Variants in ARHGEF10L observed in about 807,000 individuals in gnomAD.
ARHGEF10L encodes rho guanine nucleotide exchange factor 10-like protein.
ARHGEF10L carries 69 observed loss-of-function variants against 141.2 expected under a neutral mutation model. That is an observed-to-expected ratio of 0.49 (90% CI 0.40 to 0.60). The LOEUF is 0.60. Ranked by LOEUF, ARHGEF10L falls within the 20% of genes least tolerant of loss-of-function variation. ARHGEF10L has a pLI of 0.00. For missense variants in ARHGEF10L, 1,482 were observed against 1,734.3 expected (o/e 0.85, Z 2.58); for synonymous variants, 711 against 718.5 (o/e 0.99, Z 0.17).
At chr1:17,525,156 G>T in the ARHGEF10L span, among the ~76,000 whole-genome samples, 1 of 152,192 alleles carries the variant, frequency 6.6e-6, no homozygotes, top group African/African-American at 2.4e-5. Context: ...AGCTACTGTA[G>T]AGACATCCAA....
At position 17,580,549 on chromosome 1, in the gene ARHGEF10L, A is replaced by G. The variant is rs774340426; in HGVS notation, c.-43-4A>G. The G allele has an allele frequency of 3.7e-6, 6 of 1,613,584 alleles. No homozygotes were observed. The South Asian group carries it at 6.6e-5, about 18-fold the overall frequency. Reference sequence around the variant, plus strand: ...TAATGCGATTTCTGGTCTTCTTTCCACAGGTGTGTAGCTGGGACGGTGCTG... The same window carrying G: ...TAATGCGATTTCTGGTCTTCTTTCCGCAGGTGTGTAGCTGGGACGGTGCTG... On this transcript the variant is annotated splice_polypyrimidine_tract_variant and splice_region_variant and intron_variant, in intron 1 of 28. Transcript: ENST00000361221.
rs564015660 is a variant in ARHGEF10L, at chr1:17,632,242, T to A, written c.1585-79T>A. On this transcript the variant is annotated intron_variant, in intron 15 of 28. Transcript: ENST00000361221. ...AGCCTCAGTCTCCCTTTCTGCACCA[T>A]GGGAGGATTCTGGGTCTCCGGCGCG... 289 of 1,563,440 alleles carry A rather than the reference T, an allele frequency of 1.8e-4. No individual in the cohort carries two copies. The highest frequency in any genetic ancestry group is 2.4e-4 in the Non-Finnish European group (273 of 1,147,598).
chr1:17,638,019 T>TA lies in ARHGEF10L; in HGVS notation c.2043+16_2043+17insA. 1.3e-6 allele frequency: 2 copies of TA among 1,561,142 alleles called. No homozygotes were observed. Among genetic ancestry groups the TA allele is most frequent in the Non-Finnish European group, 1.7e-6 (2 of 1,151,630 alleles). ...CACCTACCAGGTACGTGGCCTGGCC[T>TA]GACCTTTTTGGCCTGAGCTCCCCAG... On this transcript the variant is annotated intron_variant, in intron 19 of 28. Transcript: ENST00000361221.
At chr1:17,564,361 C>T (rs6688798) in intron 1 of ARHGEF10L, among the ~76,000 whole-genome samples, 52 of 152,266 alleles carry the variant, frequency 3.4e-4, no homozygotes, top group African/African-American at 1.2e-3. Context: ...GGGGCAGTGC[C>T]GCTGCAACAC....
intron 26 of ARHGEF10L, among the ~76,000 whole-genome samples, chr1:17,666,797 C>A (rs1359543908): frequency 3.6e-5 from 4 of 110,888 alleles, no homozygotes; most frequent in Non-Finnish European, 7.6e-5. Flanking sequence ...CTACCCCAAG[C>A]CCACCCCACC....
At chr1:17,695,053 T>C (rs2065391248) in intron 27 of ARHGEF10L, 105 bp from the exon 28 acceptor site, 3 of 1,550,818 alleles carry the variant, frequency 1.9e-6, no homozygotes, top group Admixed American at 3.3e-5. Flanking sequence ...TCTTGCTGGT[T>C]TCAGGGGAGG....
intron 27 of ARHGEF10L, among the ~76,000 whole-genome samples, chr1:17,692,971 C>A (rs1255738656): frequency 6.6e-6 from 1 of 152,184 alleles, no homozygotes; most frequent in East Asian, 1.9e-4. Flanking sequence ...CAGCCTCACG[C>A]CTGCCTCCCT....
the ARHGEF10L span, among the ~76,000 whole-genome samples, chr1:17,523,084 A>ATTT: frequency 6.9e-5 from 8 of 115,470 alleles, no homozygotes; most frequent in Non-Finnish European, 6.9e-5. Flanking sequence ...TTTGTTTTCC[A>ATTT]TTTTTTTTTT....
rs1489383546 is a variant in ARHGEF10L, at chr1:17,695,222, C to T, written c.3249C>T (p.Asp1083=). ...ICQGLLWVGT[D]QGVIVLLPVP... ...AGGGTCTGCTCTGGGTGGGCACTGA[C>T]CAGGGTGTCATCGTCCTGCTGCCCG... The change falls in exon 28 of 29, where the codon GAC becomes GAT. Residue 1083 remains aspartate (D), a synonymous_variant. Coordinates refer to ENST00000361221, the MANE Select transcript of ARHGEF10L (RefSeq NM_018125.4). The T allele has an allele frequency of 6.2e-7, 1 of 1,611,308 alleles. No homozygotes were observed. Among genetic ancestry groups the T allele is most frequent in the African/African-American group, 1.3e-5 (1 of 74,886 alleles).
rs1255810570 is a variant in ARHGEF10L, at chr1:17,634,857, C to T, written c.1768C>T (p.Leu590=). 1 of 1,613,624 alleles carries T rather than the reference C, an allele frequency of 6.2e-7. No homozygotes were observed. Among genetic ancestry groups the T allele is most frequent in the African/African-American group, 1.3e-5 (1 of 74,916 alleles). ...NHRGQLEISS[L]VPLGPKYVVK... ...CAGGGGCCAGCTGGAGATCAGCAGC[C>T]TGGTGCCCCTGGGGCCCAAGTATGT... The change falls in exon 18 of 29, where the codon CTG becomes TTG. Residue 590 remains leucine, a synonymous_variant. Transcript: ENST00000361221.
chr1:17,695,326 C>A, intron 28 of ARHGEF10L, 46 bp downstream of exon 28: 1 of 1,537,118 alleles, frequency 6.5e-7, no homozygotes, highest in Non-Finnish European at 8.7e-7. Flanking sequence ...GGGTCAGCTG[C>A]AGGTGGCCAG....
Position 17,621,123 on chromosome 1 carries a change from G to A in ARHGEF10L, c.943-741G>A, listed in dbSNP as rs2060085523. ...TTAGCCAGAAGCAGAGACCACTCGT[G>A]TGGGGGGACGGTACCCCAAGGCCTG... is the stretch of plus-strand genomic sequence containing the variant. On this transcript the variant is annotated intron_variant, in intron 10 of 28. Transcript: ENST00000361221. This position sits in a 1 kb window ranked among gnomAD's most constrained non-coding sequence, Gnocchi z 4.1. Among the ~76,000 whole-genome samples, 1 of 152,222 alleles carries A rather than the reference G, an allele frequency of 6.6e-6. No homozygotes were observed. Among genetic ancestry groups the A allele is most frequent in the Admixed American group, 6.5e-5 (1 of 15,282 alleles).
At position 17,619,205 on chromosome 1, in the gene ARHGEF10L, AC is replaced by A; in HGVS notation, c.836-133del. 1.3e-6 allele frequency: 1 copy of A among 793,260 alleles called. No homozygotes were observed. Among genetic ancestry groups the A allele is most frequent in the East Asian group, 2.8e-5 (1 of 35,856 alleles). 49.1% of individuals were successfully genotyped at this position (793,260 alleles called of 1,614,324 possible). The stretch of plus-strand genomic sequence containing the variant: ...GGAGCTACCGGGCGGCTCTAACCCC[AC>A]GGGGCCCCAGGAGCTGCTTGCACCC... On this transcript the variant is annotated intron_variant, in intron 9 of 28. Coordinates refer to ENST00000361221, the MANE Select transcript of ARHGEF10L (RefSeq NM_018125.4). The surrounding 1 kb of genome is among the most constrained non-coding windows in gnomAD (Gnocchi z 5.0).
the ARHGEF10L span, among the ~76,000 whole-genome samples, chr1:17,529,203 A>G: frequency 6.6e-6 from 1 of 152,116 alleles, no homozygotes; most frequent in Non-Finnish European, 1.5e-5. Context: ...GGGTTTCACC[A>G]TGTTGGCCAG....
At chr1:17,539,487 T>A (rs2076637055), upstream of ARHGEF10L, among the ~76,000 whole-genome samples, 1 of 151,650 alleles carries the variant, frequency 6.6e-6, no homozygotes, top group African/African-American at 2.4e-5. This position sits in a 1 kb window ranked among gnomAD's most constrained non-coding sequence, Gnocchi z 6.0. Flanking sequence ...CCGGGCCCCA[T>A]CCCCGCGGGC....
chr1:17,687,753 G>T lies in ARHGEF10L; in HGVS notation c.3184+6G>T. 2.6e-6 allele frequency: 4 copies of T among 1,568,382 alleles called. No individual in the cohort carries two copies. The highest frequency in any genetic ancestry group is 3.5e-6 in the Non-Finnish European group (4 of 1,155,340). ...GACCACCTTCCTCCTGCCAGGTGAGGCTGCCTCGGGCACGGGGGAGCGGAC... is the reference window on the plus strand; with the variant it reads ...GACCACCTTCCTCCTGCCAGGTGAGTCTGCCTCGGGCACGGGGGAGCGGAC... On this transcript the variant is annotated splice_donor_region_variant and intron_variant, in intron 27 of 28. Transcript: ENST00000361221.
Position 17,573,954 on chromosome 1 carries a change from C to T in ARHGEF10L, c.-43-6599C>T, listed in dbSNP as rs2078115556. Among the ~76,000 whole-genome samples the T allele has an allele frequency of 6.6e-6, 1 of 152,166 alleles. No homozygotes were observed. Among genetic ancestry groups the T allele is most frequent in the African/African-American group, 2.4e-5 (1 of 41,458 alleles). On this transcript the variant is annotated intron_variant, in intron 1 of 28. Transcript: ENST00000361221. The surrounding 1 kb of genome is among the most constrained non-coding windows in gnomAD (Gnocchi z 4.8). The stretch of plus-strand genomic sequence containing the variant: ...CAGGCCCCCTTCTCAGAGCTCCCCT[C>T]CCCCTCCCTGGTGAAGAGGAAAGGA...
the ARHGEF10L span, among the ~76,000 whole-genome samples, chr1:17,520,946 G>A: frequency 6.6e-6 from 1 of 152,186 alleles, no homozygotes; most frequent in African/African-American, 2.4e-5. Flanking sequence ...CCCGCCCAGG[G>A]CTCCTTCCTT....
chr1:17,598,652 G>T (rs1005672820), intron 4 of ARHGEF10L, among the ~76,000 whole-genome samples: 19 of 152,282 alleles, frequency 1.2e-4, no homozygotes, highest in South Asian at 2.1e-4. Context: ...TATCACCTTG[G>T]GGGTGAGGAT....
Sources: allele counts gnomAD v4.1 joint callset (sites outside exome capture counted in the v4.1 genomes callset), GRCh38; gene constraint gnomAD v4.1.1; non-coding constraint Gnocchi (gnomAD v3.1); transcripts MANE v1.5; gene names NCBI Gene and HGNC (gene_info 2026-07-23, HGNC 2026-07-21).